ADAMTSL3: variants seen among roughly 807,000 people sequenced by gnomAD.
ADAMTSL3 encodes ADAMTS like 3.
Under a neutral mutation model 201.7 loss-of-function variants are expected in ADAMTSL3, and 128 were observed. That is an observed-to-expected ratio of 0.63 (90% CI 0.55 to 0.73). ADAMTSL3 has a LOEUF of 0.73. ADAMTSL3 is among the 30% of genes least tolerant of loss of function. The probability of loss-of-function intolerance (pLI) is 0.00; values close to 1 mark genes in which losing one functional copy is unlikely to be tolerated. For synonymous variants in ADAMTSL3, 738 were observed against 748.4 expected, an observed-to-expected ratio of 0.99 and a Z score of 0.23; for missense variants, 1,990 against 2,119.6, an observed-to-expected ratio of 0.94 and a Z score of 1.20.
At chr15:84,016,818 T>G (rs2068095040) in intron 25 of ADAMTSL3, among the ~76,000 whole-genome samples, 1 of 152,228 alleles carries the variant, frequency 6.6e-6, no homozygotes, top group South Asian at 2.1e-4. Flanking sequence ...TAGATATTAA[T>G]AGTCTGCTAT....
chr15:83,863,782 A>C (rs1369747504), intron 8 of ADAMTSL3, among the ~76,000 whole-genome samples: 1 of 152,164 alleles, frequency 6.6e-6, no homozygotes. Context: ...AACTGAAGGA[A>C]ATAGAAACAC....
rs1567170043 is a variant in ADAMTSL3, at chr15:83,823,972, T to TCCTC, written c.600+3926_600+3927insCTCC. Among the ~76,000 whole-genome samples the TCCTC allele has an allele frequency of 5.6e-3, 402 of 71,210 alleles. 32 individuals are homozygous for TCCTC. Among genetic ancestry groups the TCCTC allele is most frequent in the East Asian group, 0.016 (40 of 2,574 alleles). 46.7% of individuals were successfully genotyped at this position (71,210 alleles called of 152,430 possible). A position where few individuals can be genotyped will look rare whatever the true frequency, so the allele number is the denominator to read the frequency against. ...TTCTTCTTCTTCTTCTTCTTCTTCT[T>TCCTC]CTCCTCCTCCTCCTCCTCCTTCTCC... On this transcript the variant is annotated intron_variant, in intron 6 of 29. Coordinates refer to ENST00000286744, the MANE Select transcript of ADAMTSL3 (RefSeq NM_207517.3).
chr15:83,798,857 C>G (rs73437294), intron 4 of ADAMTSL3, among the ~76,000 whole-genome samples: 1 of 147,994 alleles, frequency 6.8e-6, no homozygotes, highest in African/African-American at 2.5e-5. Flanking sequence ...CACTTTTTGG[C>G]TATAATGAAA....
In ADAMTSL3 at chr15:83,905,482, C is replaced by T. The variant is rs717675; in HGVS notation, c.1700+5751C>T. ...GGGTGAGGGGCGAGGAGGATGGGCC[C>T]GGGGAGCAGTAATGGCAGCAAGGAT... On this transcript the variant is annotated intron_variant, in intron 15 of 29. Transcript: ENST00000286744. Among the ~76,000 whole-genome samples, 373 of 152,136 alleles carry T rather than the reference C, an allele frequency of 2.5e-3. 1 individual carries two copies. Among genetic ancestry groups the T allele is most frequent in the African/African-American group, 8.4e-3 (349 of 41,502 alleles).
intron 3 of ADAMTSL3, among the ~76,000 whole-genome samples, 185 bp downstream of exon 3, chr15:83,704,693 T>TA (rs1284341127): frequency 2.6e-5 from 4 of 152,244 alleles, no homozygotes; most frequent in Admixed American, 2.6e-4. Context: ...ATTTCCTATA[T>TA]AATGTGCAGT....
At chr15:83,761,043 A>C (rs977140458) in intron 3 of ADAMTSL3, among the ~76,000 whole-genome samples, 1 of 151,570 alleles carries the variant, frequency 6.6e-6, no homozygotes, top group African/African-American at 2.4e-5. Context: ...TTTTCTCTCC[A>C]TTTTTGCCTT....
At chr15:83,761,784 A>C (rs1210905692) in intron 3 of ADAMTSL3, among the ~76,000 whole-genome samples, 1 of 152,230 alleles carries the variant, frequency 6.6e-6, no homozygotes, top group African/African-American at 2.4e-5. Flanking sequence ...AGTCAGTATG[A>C]AACAAAGCTG....
chr15:83,966,475 C>T (rs771512772), intron 19 of ADAMTSL3, among the ~76,000 whole-genome samples: 1 of 152,020 alleles, frequency 6.6e-6, no homozygotes, highest in South Asian at 2.1e-4. Flanking sequence ...AAGACTAAAC[C>T]AGGAAGAAGT....
At chr15:83,730,852 A>G (rs1454827185) in intron 3 of ADAMTSL3, among the ~76,000 whole-genome samples, 1 of 152,002 alleles carries the variant, frequency 6.6e-6, no homozygotes, top group African/African-American at 2.4e-5. Flanking sequence ...TGCCAAGGCT[A>G]ATATCAAAAA....
intron 19 of ADAMTSL3, among the ~76,000 whole-genome samples, chr15:83,964,409 C>A (rs915071106): frequency 2.6e-5 from 4 of 151,166 alleles, no homozygotes; most frequent in Admixed American, 2.0e-4. Context: ...ATTGCTCAAG[C>A]AGAACAAGGA....
chr15:83,759,564 G>GT, intron 3 of ADAMTSL3, among the ~76,000 whole-genome samples: 1 of 152,266 alleles, frequency 6.6e-6, no homozygotes, highest in Admixed American at 6.5e-5. Context: ...CATGCACATA[G>GT]TTTAATAAGT....
chr15:83,964,021 A>G (rs928330049), intron 19 of ADAMTSL3, among the ~76,000 whole-genome samples: 3 of 152,122 alleles, frequency 2.0e-5, no homozygotes, highest in Admixed American at 2.0e-4. Context: ...AAGGTCATCA[A>G]AAGACCATCA....
At chr15:84,035,000 G>C (rs2068478699) in intron 28 of ADAMTSL3, among the ~76,000 whole-genome samples, 1 of 152,100 alleles carries the variant, frequency 6.6e-6, no homozygotes. Context: ...CCTGTCCCTG[G>C]CCAGGAGGAA....
In ADAMTSL3 at chr15:83,948,411, TACACAC is replaced by T. The variant is rs72124987; in HGVS notation, c.2490+5359_2490+5364del. Among the ~76,000 whole-genome samples, 301 of 145,730 alleles carry T rather than the reference TACACAC, an allele frequency of 2.1e-3. 2 individuals carry two copies. The highest frequency in any genetic ancestry group is 5.9e-3 in the Admixed American group (86 of 14,626). On this transcript the variant is annotated intron_variant, in intron 19 of 29. Coordinates refer to ENST00000286744, the MANE Select transcript of ADAMTSL3 (RefSeq NM_207517.3). ...GCACACAAGTGCACAAAAGCTTATTTACACACACACACACACACACACACACACACA... is the reference window on the plus strand; with the variant it reads ...GCACACAAGTGCACAAAAGCTTATTTACACACACACACACACACACACACA...
intron 2 of ADAMTSL3, among the ~76,000 whole-genome samples, chr15:83,680,979 A>G (rs190467400): frequency 8.5e-4 from 130 of 152,292 alleles, no homozygotes; most frequent in African/African-American, 3.0e-3. Flanking sequence ...TTACATTATT[A>G]TTATTTTAAT....
chr15:83,978,432 C>T (rs765920482), intron 20 of ADAMTSL3, among the ~76,000 whole-genome samples: 12 of 152,208 alleles, frequency 7.9e-5, no homozygotes, highest in Non-Finnish European at 1.8e-4. Flanking sequence ...AGCCCAGCAG[C>T]CCCTTCAGGA....
chr15:83,742,520 A>C (rs1243120052), intron 3 of ADAMTSL3, among the ~76,000 whole-genome samples: 2 of 152,220 alleles, frequency 1.3e-5, no homozygotes, highest in African/African-American at 2.4e-5. Flanking sequence ...CTAAATTTAA[A>C]CCTAGTCATT....
intron 27 of ADAMTSL3, 51 bp downstream of exon 27, chr15:84,025,487 A>T (rs979248794): frequency 6.5e-7 from 1 of 1,535,380 alleles, no homozygotes; most frequent in African/African-American, 1.4e-5. Context: ...CCACACAGAT[A>T]GTGTGATAAT....
At chr15:84,020,615 T>G (rs1203532855) in intron 25 of ADAMTSL3, among the ~76,000 whole-genome samples, 2 of 152,234 alleles carry the variant, frequency 1.3e-5, no homozygotes, top group Non-Finnish European at 2.9e-5. Flanking sequence ...AGAGAGCCTG[T>G]GGACACAGCT....
Sources: gnomAD v4.1 joint callset for allele counts (sites outside exome capture counted in the v4.1 genomes callset) on GRCh38, gnomAD v4.1.1 for gene constraint, MANE v1.5 for transcripts, NCBI Gene and HGNC (gene_info 2026-07-23, HGNC 2026-07-21) for gene names.